The following MACF1 variants were observed in gnomAD, a reference collection of about 807,000 sequenced individuals.
MACF1 encodes the protein microtubule actin crosslinking factor 1, also known as microtubule-actin cross-linking factor 1.
A neutral mutation model predicts 854.8 loss-of-function variants in MACF1; 193 were observed. The ratio of observed to expected loss-of-function variants is 0.23; its 90% CI spans 0.20 to 0.25. The LOEUF (loss-of-function observed/expected upper bound fraction) is 0.25. Among genes scored for constraint, MACF1 ranks in the 10% least tolerant of loss-of-function variants. The pLI, the probability that MACF1 is intolerant of heterozygous loss-of-function variation, is 1.00. For synonymous variants in MACF1, 3,185 were observed against 3,226.7 expected (o/e 0.99, Z 0.44); for missense variants, 7,722 against 8,929.1 (o/e 0.86, Z 5.45).
chr1:39,405,495 G>T (rs1642662458), intron 58 of MACF1, among the ~76,000 whole-genome samples: 1 of 152,242 alleles, frequency 6.6e-6, no homozygotes, highest in African/African-American at 2.4e-5. Flanking sequence ...GATTGTCCCA[G>T]AGGGCTGGCA....
At chr1:39,262,326 G>A (rs145274853) in intron 6 of MACF1, among the ~76,000 whole-genome samples, 1,883 of 150,122 alleles carry the variant, frequency 0.013, 19 homozygotes, top group African/African-American at 0.019. Context: ...ACTTGAACCC[G>A]GGAGGTGGAG....
chr1:39,248,004 G>C (rs1645001438), intron 2 of MACF1, among the ~76,000 whole-genome samples: 1 of 152,210 alleles, frequency 6.6e-6, no homozygotes, highest in Non-Finnish European at 1.5e-5. Flanking sequence ...CCTAGTGACA[G>C]AGCAAGACTC....
chr1:39,284,744 C>A (rs1244991753), intron 11 of MACF1, among the ~76,000 whole-genome samples: 1 of 152,152 alleles, frequency 6.6e-6, no homozygotes, highest in African/African-American at 2.4e-5. Context: ...AGAGAGACTT[C>A]TATTCAGAAT....
At chr1:39,254,453 C>G in intron 5 of MACF1, 78 bp downstream of exon 5, 1 of 1,241,642 alleles carries the variant, frequency 8.1e-7, no homozygotes, top group South Asian at 1.2e-5. Flanking sequence ...TTTTTAGTGC[C>G]CCTAGTAAGC....
At chr1:39,413,196 A>G (rs1643108443) in intron 58 of MACF1, 1 of 1,613,518 alleles carries the variant, frequency 6.2e-7, no homozygotes, top group Non-Finnish European at 8.5e-7. Context: ...CTGTCACCCC[A>G]GCTACCACAG....
chr1:39,410,410 G>C, intron 58 of MACF1: 1 of 1,614,004 alleles, frequency 6.2e-7, no homozygotes, highest in Admixed American at 1.7e-5. Context: ...TGAGCAAATT[G>C]ACCAGGGGTC....
At chr1:39,485,079 T>TA (rs1168308361) in intron 100 of MACF1, 4 of 354,084 alleles carry the variant, frequency 1.1e-5, no homozygotes, top group Non-Finnish European at 2.1e-5. Context: ...ACGTCATACT[T>TA]ACTATGGCTG....
intron 1 of MACF1, among the ~76,000 whole-genome samples, chr1:39,221,892 T>G (rs1215563434): frequency 6.6e-6 from 1 of 152,192 alleles, no homozygotes; most frequent in Non-Finnish European, 1.5e-5. Context: ...TCCCAAAACA[T>G]ACTGTGGGTC....
intron 61 of MACF1, among the ~76,000 whole-genome samples, chr1:39,424,610 A>AT (rs1392463712): frequency 1.3e-5 from 2 of 152,282 alleles, no homozygotes; most frequent in Admixed American, 1.3e-4. Context: ...GTAATATTAG[A>AT]TTTTTTTGCC....
At chr1:39,267,377 C>G (rs1645246036) in intron 6 of MACF1, among the ~76,000 whole-genome samples, 1 of 152,118 alleles carries the variant, frequency 6.6e-6, no homozygotes, top group Admixed American at 6.6e-5. Context: ...ACTAAGGGCG[C>G]ATGCCACTGT....
intron 2 of MACF1, among the ~76,000 whole-genome samples, chr1:39,247,424 T>C (rs1292886539): frequency 6.6e-6 from 1 of 152,124 alleles, no homozygotes; most frequent in Non-Finnish European, 1.5e-5. Context: ...TAAATTATAT[T>C]TAAAGTAAAT....
intron 58 of MACF1, among the ~76,000 whole-genome samples, chr1:39,394,151 C>T (rs1642176353): frequency 6.6e-6 from 1 of 152,210 alleles, no homozygotes; most frequent in African/African-American, 2.4e-5. Flanking sequence ...AGCCCAGGAT[C>T]AGGGTCTCAG....
intron 58 of MACF1, among the ~76,000 whole-genome samples, chr1:39,422,109 T>A (rs999483843): frequency 5.9e-5 from 9 of 152,042 alleles, no homozygotes; most frequent in East Asian, 1.9e-4. Flanking sequence ...CAACAGATTT[T>A]AAAAAAAAGA....
chr1:39,229,640 A>G (rs767649372), intron 1 of MACF1, among the ~76,000 whole-genome samples: 22 of 152,226 alleles, frequency 1.4e-4, no homozygotes, highest in Non-Finnish European at 2.9e-4. Flanking sequence ...TGAATGTAGT[A>G]GTAGGCAGTT....
chr1:39,373,511 G>A (rs1408232562), intron 52 of MACF1: 2 of 142,894 alleles, frequency 1.4e-5, no homozygotes, highest in Non-Finnish European at 3.0e-5. Context: ...AGTTGGGAAA[G>A]CCTGGGTAGG....
intron 63 of MACF1, 41 bp from the exon 64 acceptor site, chr1:39,429,201 A>C (rs1557649905): frequency 1.2e-5 from 12 of 992,802 alleles, no homozygotes; most frequent in Admixed American, 1.9e-5. Context: ...TTTCATTTGT[A>C]GTGCCACAGT....
rs549574711 is a variant in MACF1 at position 39,479,508 on chromosome 1, T to C, written c.21959-290T>C. On this transcript the variant is annotated intron_variant, in intron 97 of 100. Transcript: ENST00000564288. ...GTTGCATCTGCTTTACCTCAAGCAG[T>C]CAGTGTGCTTACCCCAGGGACAGTG... is the stretch of plus-strand genomic sequence containing the variant. Among the ~76,000 whole-genome samples the C allele has an allele frequency of 5.9e-5, 9 of 152,302 alleles. No individual in the cohort carries two copies. The East Asian group carries it at 1.7e-3, about 29-fold the overall frequency.
At chr1:39,304,625 ACT>A in intron 23 of MACF1, 4 of 548,454 alleles carry the variant, frequency 7.3e-6, no homozygotes, top group Non-Finnish European at 1.3e-5. Flanking sequence ...GTGCAGTGGC[ACT>A]ATTTCAGCTC....
chr1:39,112,087 C>CTTTTTTT (rs569400137), intron 2 of MACF1, among the ~76,000 whole-genome samples: 2 of 133,612 alleles, frequency 1.5e-5, no homozygotes, highest in Admixed American at 7.7e-5. Flanking sequence ...TTATTCAAAT[C>CTTTTTTT]TTTTTTTTTT....
Sources: gnomAD v4.1 joint callset for allele counts (sites outside exome capture counted in the v4.1 genomes callset) on GRCh38, gnomAD v4.1.1 for gene constraint, MANE v1.5 for transcripts, NCBI Gene and HGNC (gene_info 2026-07-23, HGNC 2026-07-21) for gene names.